PTGDS: variants seen among roughly 807,000 people sequenced by gnomAD.
PTGDS encodes the protein prostaglandin D2 synthase.
PTGDS carries 21 observed loss-of-function variants against 28.4 expected under a neutral mutation model. The ratio of observed to expected loss-of-function variants is 0.74; its 90% CI spans 0.52 to 1.07. The LOEUF is 1.07. PTGDS is among the 50% of genes least tolerant of loss of function. The pLI is 0.00. For missense variants in PTGDS, 243 were observed against 247.7 expected (o/e 0.98, Z 0.13); for synonymous variants, 102 against 106.0 (o/e 0.96, Z 0.23).
intron 3 of PTGDS, 26 bp from the exon 4 acceptor site, chr9:136,979,920 G>A (rs761489645): frequency 9.3e-6 from 15 of 1,604,560 alleles, no homozygotes; most frequent in Admixed American, 6.7e-5. Flanking sequence ...CTGAGTCCCC[G>A]ACAGGGTTGT....
In PTGDS at chr9:136,980,186, G is replaced by A. The variant is rs776663113; in HGVS notation, c.452G>A (p.Arg151Gln). The A allele has an allele frequency of 6.2e-6, 10 of 1,613,632 alleles. No individual in the cohort carries two copies. The highest frequency in any genetic ancestry group is 8.5e-6 in the Non-Finnish European group (10 of 1,179,962). The change falls in exon 5 of 7, where the codon CGA (arginine) becomes CAA (glutamine). Residue 151 changes from arginine (R) to glutamine (Q), a missense_variant. Physicochemically the swap from Arg to Gln is conservative, Grantham distance 43 (BLOSUM62 1). Transcript: ENST00000371625. ...CTCCGTCTCCACCCTGTCCCAGGCC[G>A]AACCCAGACCCCCAGGGCTGAGTTA... ...EDFRMATLYS[R>Q]TQTPRAELKE... is the part of the protein sequence containing the mutation.
rs566590193 is a variant in PTGDS at position 136,977,697 on chromosome 9, G to A, written c.114+5G>A. 4 of 1,584,672 alleles carry A rather than the reference G, an allele frequency of 2.5e-6. No homozygotes were observed. The highest frequency in any genetic ancestry group is 1.7e-4 in the Middle Eastern group (1 of 5,998). On this transcript the variant is annotated splice_donor_5th_base_variant and intron_variant, in intron 1 of 6. Coordinates refer to ENST00000371625, the MANE Select transcript of PTGDS (RefSeq NM_000954.6). ...CCCAACTTCCAGCAGGACAAGGTGA[G>A]GGGCTTTCCTGCGTCATCCCCAAGG... is the stretch of plus-strand genomic sequence containing the variant.
intron 3 of PTGDS, chr9:136,979,586 C>T: frequency 1.2e-6 from 1 of 866,152 alleles, no homozygotes; most frequent in African/African-American, 1.7e-5. Flanking sequence ...CCCCCCAAGG[C>T]CCCTCCATAT....
chr9:136,977,832 G>A (rs887236210), intron 1 of PTGDS, 140 bp downstream of exon 1: 1 of 778,302 alleles, frequency 1.3e-6, no homozygotes, highest in Non-Finnish European at 2.0e-6. Flanking sequence ...CTGAGCGGGC[G>A]CGCAGGAAGG....
rs1479594944 is a variant in PTGDS, at chr9:136,977,648, C to A, written c.70C>A (p.Pro24Thr). ...GGTGCTGGGCGACCTGCAGGCAGCACCGGAGGCCCAGGTCTCCGTGCAGCC... is the reference window on the plus strand; with the variant it reads ...GGTGCTGGGCGACCTGCAGGCAGCAACGGAGGCCCAGGTCTCCGTGCAGCC... Reference protein sequence around the residue: ...LGVLGDLQAAPEAQVSVQPNF... With the variant: ...LGVLGDLQAATEAQVSVQPNF... The change falls in exon 1 of 7, where the codon CCG becomes ACG. Residue 24 changes from proline to threonine, a missense_variant. Pro to Thr is a conservative substitution (Grantham distance 38, BLOSUM62 -1). Transcript: ENST00000371625. 1 of 1,608,206 alleles carries A rather than the reference C, an allele frequency of 6.2e-7. No homozygotes were observed. Among genetic ancestry groups the A allele is most frequent in the Non-Finnish European group, 8.5e-7 (1 of 1,178,216 alleles).
chr9:136,979,192 A>G (rs766884358), intron 2 of PTGDS, 31 bp from the exon 3 acceptor site: 1 of 1,613,072 alleles, frequency 6.2e-7, no homozygotes, highest in Non-Finnish European at 8.5e-7. Flanking sequence ...CCTCGGGCCT[A>G]ACCCCTGACC....
intron 5 of PTGDS, 179 bp from the exon 6 acceptor site, chr9:136,980,654 G>A (rs2131398200): frequency 6.4e-7 from 1 of 1,558,628 alleles, no homozygotes; most frequent in African/African-American, 1.4e-5. Context: ...GGCAGAGGTG[G>A]AGAAAGACCC....
At chr9:136,977,757 G>A (rs754668155) in intron 1 of PTGDS, 65 bp downstream of exon 1, 5 of 1,383,116 alleles carry the variant, frequency 3.6e-6, no homozygotes, top group South Asian at 1.3e-5. Context: ...GGCACTTTCC[G>A]GCTGGGTCTT....
intron 1 of PTGDS, among the ~76,000 whole-genome samples, chr9:136,978,114 G>A (rs1830393146): frequency 6.6e-6 from 1 of 152,150 alleles, no homozygotes; most frequent in Non-Finnish European, 1.5e-5. Context: ...ACAGACAGCC[G>A]GCGACGCGCG....
At chr9:136,977,902 C>G (rs1030808325) in intron 1 of PTGDS, among the ~76,000 whole-genome samples, 3 of 152,150 alleles carry the variant, frequency 2.0e-5, no homozygotes, top group African/African-American at 7.2e-5. Flanking sequence ...CACCGCGTCC[C>G]GTCTCCCCTG....
intron 3 of PTGDS, chr9:136,979,622 G>T: frequency 1.5e-6 from 1 of 689,438 alleles, no homozygotes. Flanking sequence ...TCCTCCCCAG[G>T]ACCCAGGGGT....
chr9:136,977,799 T>A (rs34352781), intron 1 of PTGDS, 107 bp downstream of exon 1: 41,812 of 1,032,332 alleles, frequency 0.041, 998 homozygotes, highest in Non-Finnish European at 0.05. Context: ...AGTCCCGCAG[T>A]GCCGGGCAGT....
intron 3 of PTGDS, chr9:136,979,509 C>T: frequency 6.9e-7 from 1 of 1,447,456 alleles, no homozygotes; most frequent in Non-Finnish European, 9.3e-7. Context: ...GTTGGATCCT[C>T]TCTGGAGCCC....
At chr9:136,978,824 G>A (rs1434275963) in intron 1 of PTGDS, 169 bp from the exon 2 acceptor site, 1 of 906,088 alleles carries the variant, frequency 1.1e-6, no homozygotes, top group Non-Finnish European at 1.7e-6. Flanking sequence ...TGAGGGGCGG[G>A]GGTCAGTTCC....
chr9:136,980,386 C>A, intron 5 of PTGDS, 102 bp downstream of exon 5: 1 of 1,289,388 alleles, frequency 7.8e-7, no homozygotes. Context: ...TGGCCCCGCC[C>A]TGCTCGAGGC....
intron 1 of PTGDS, among the ~76,000 whole-genome samples, chr9:136,978,626 C>G (rs1588486425): frequency 1.3e-5 from 1 of 79,448 alleles, no homozygotes; most frequent in Non-Finnish European, 2.4e-5. Flanking sequence ...GTGAGGGGCG[C>G]GGTCAGTTCC....
intron 6 of PTGDS, among the ~76,000 whole-genome samples, chr9:136,981,272 C>A (rs962768163): frequency 6.6e-6 from 1 of 152,090 alleles, no homozygotes; most frequent in Non-Finnish European, 1.5e-5. Context: ...GGGCCAAGGA[C>A]GCTACATGGA....
At chr9:136,978,193 G>C (rs1588486039) in intron 1 of PTGDS, among the ~76,000 whole-genome samples, 3 of 151,438 alleles carry the variant, frequency 2.0e-5, no homozygotes, top group Admixed American at 2.0e-4. Context: ...CCTCCCTGGC[G>C]TCGAGGAGAA....
At chr9:136,978,348 G>A (rs1219801714) in intron 1 of PTGDS, among the ~76,000 whole-genome samples, 1 of 151,830 alleles carries the variant, frequency 6.6e-6, no homozygotes, top group Non-Finnish European at 1.5e-5. Flanking sequence ...GCTGGCTGGT[G>A]GGCGGCGTGC....
Sources: allele counts gnomAD v4.1 joint callset (sites outside exome capture counted in the v4.1 genomes callset), GRCh38; gene constraint gnomAD v4.1.1; transcripts MANE v1.5; gene names NCBI Gene and HGNC (gene_info 2026-07-23, HGNC 2026-07-21).